BTBD9: variants seen among roughly 807,000 people sequenced by gnomAD.
The protein encoded by BTBD9 is BTB/POZ domain-containing protein 9.
In BTBD9, 49 loss-of-function variants were observed where a neutral mutation model predicts 64.3. That is an observed-to-expected ratio of 0.76 (90% CI 0.61 to 0.97). BTBD9 has a LOEUF of 0.97. BTBD9 is among the 50% of genes least tolerant of loss of function. The probability of loss-of-function intolerance (pLI) is 0.00; values close to 1 mark genes in which losing one functional copy is unlikely to be tolerated. For synonymous variants in BTBD9, 260 were observed against 274.7 expected, an observed-to-expected ratio of 0.95 and a Z score of 0.53; for missense variants, 598 against 762.1, an observed-to-expected ratio of 0.78 and a Z score of 2.53.
At chr6:38,266,215 C>A (rs1486646039) in intron 8 of BTBD9, among the ~76,000 whole-genome samples, 2 of 151,850 alleles carry the variant, frequency 1.3e-5, no homozygotes, top group Non-Finnish European at 2.9e-5. Flanking sequence ...TCTTTTTTTT[C>A]TTTTAACAAA....
intron 6 of BTBD9, among the ~76,000 whole-genome samples, chr6:38,450,191 A>G (rs1769458886): frequency 6.6e-6 from 1 of 152,254 alleles, no homozygotes; most frequent in Non-Finnish European, 1.5e-5. Context: ...GATCTCACTC[A>G]TATGTGGAAT....
In BTBD9 at chr6:38,623,017, A is replaced by G. The variant is rs1778042126; in HGVS notation, c.-28+16783T>C. On this transcript the variant is annotated intron_variant, in intron 1 of 10. Transcript: ENST00000481247. Reference sequence around the variant, plus strand: ...TCCAATGGGAAAACAGAACACAGGGAGCCACTCAGTTTGCTCCCAACACCC... The same window carrying G: ...TCCAATGGGAAAACAGAACACAGGGGGCCACTCAGTTTGCTCCCAACACCC... Among the ~76,000 whole-genome samples, 3 of 152,174 alleles carry G rather than the reference A, an allele frequency of 2.0e-5. No individual in the cohort carries two copies. The South Asian group carries it at 6.2e-4, about 32-fold the overall frequency.
At chr6:38,269,001 A>G (rs1765112921) in intron 8 of BTBD9, among the ~76,000 whole-genome samples, 1 of 152,216 alleles carries the variant, frequency 6.6e-6, no homozygotes, top group Non-Finnish European at 1.5e-5. Context: ...CTTTCATGAA[A>G]TAGTTAGTGA....
intron 8 of BTBD9, among the ~76,000 whole-genome samples, chr6:38,263,960 C>T (rs564458737): frequency 6.6e-5 from 10 of 152,030 alleles, no homozygotes; most frequent in African/African-American, 1.9e-4. Flanking sequence ...GCAATGATAC[C>T]GTGATGGCTA....
chr6:38,596,985 C>T (rs1176155051), intron 2 of BTBD9, among the ~76,000 whole-genome samples: 1 of 152,126 alleles, frequency 6.6e-6, no homozygotes, highest in Non-Finnish European at 1.5e-5. Context: ...TAGGAGAGTG[C>T]TAGAACTTTT....
intron 1 of BTBD9, among the ~76,000 whole-genome samples, chr6:38,618,623 G>A (rs999601351): frequency 5.3e-5 from 8 of 152,060 alleles, no homozygotes; most frequent in Non-Finnish European, 1.2e-4. Context: ...GTAGGGGGAG[G>A]GGAATTTGGC....
At chr6:38,566,788 C>A (rs578094599) in intron 6 of BTBD9, among the ~76,000 whole-genome samples, 6 of 152,256 alleles carry the variant, frequency 3.9e-5, no homozygotes, top group Admixed American at 3.9e-4. Flanking sequence ...GGTATACATA[C>A]ACACACACAT....
chr6:38,190,175 A>AT (rs1227996937), intron 10 of BTBD9, among the ~76,000 whole-genome samples: 2 of 151,818 alleles, frequency 1.3e-5, no homozygotes, highest in East Asian at 3.9e-4. Flanking sequence ...ATGACTTAAG[A>AT]TGATTCCTGG....
At chr6:38,461,893 T>C (rs1028468007) in intron 6 of BTBD9, among the ~76,000 whole-genome samples, 28 of 152,222 alleles carry the variant, frequency 1.8e-4, no homozygotes, top group Non-Finnish European at 3.5e-4. Context: ...TATCTTATTT[T>C]AGCCTTAATT....
At chr6:38,188,176 G>A (rs567629304) in intron 10 of BTBD9, among the ~76,000 whole-genome samples, 5 of 152,328 alleles carry the variant, frequency 3.3e-5, no homozygotes, top group South Asian at 2.1e-4. Flanking sequence ...AGCAGCTGCC[G>A]GGGGTGTTTG....
chr6:38,432,307 C>A (rs1768477477), intron 6 of BTBD9, among the ~76,000 whole-genome samples: 1 of 152,014 alleles, frequency 6.6e-6, no homozygotes, highest in Admixed American at 6.5e-5. Context: ...AGAAATCTCG[C>A]ATGGCTGACT....
rs145835193 is a variant in BTBD9 at position 38,372,620 on chromosome 6, T to C, written c.1155-27527A>G. On this transcript the variant is annotated intron_variant, in intron 6 of 10. Transcript: ENST00000481247. ...GTTTACTTTCCCTTTTTAGGGGCTATGTTCTTGTCGTTTTCAGCACTGAGA... is the reference window on the plus strand; with the variant it reads ...GTTTACTTTCCCTTTTTAGGGGCTACGTTCTTGTCGTTTTCAGCACTGAGA... 1.1e-3 allele frequency among the ~76,000 whole-genome samples: 162 copies of C among 152,334 alleles called. 3 individuals are homozygous for C. The East Asian group carries it at 0.018, about 16-fold the overall frequency.
intron 1 of BTBD9, among the ~76,000 whole-genome samples, chr6:38,608,886 T>C (rs926777373): frequency 6.6e-6 from 1 of 152,198 alleles, no homozygotes; most frequent in Non-Finnish European, 1.5e-5. Flanking sequence ...TTATGAACAT[T>C]GACTTTATTC....
chr6:38,200,242 C>A (rs148943119), intron 9 of BTBD9, among the ~76,000 whole-genome samples: 13 of 152,302 alleles, frequency 8.5e-5, no homozygotes, highest in Middle Eastern at 3.4e-3. Flanking sequence ...ACAAAATAGA[C>A]CAAAACCTGT....
At chr6:38,417,395 T>G (rs992679695) in intron 6 of BTBD9, among the ~76,000 whole-genome samples, 1 of 152,240 alleles carries the variant, frequency 6.6e-6, no homozygotes, top group Non-Finnish European at 1.5e-5. Flanking sequence ...TTAACTGTTT[T>G]TAAATCCATA....
intron 6 of BTBD9, among the ~76,000 whole-genome samples, chr6:38,562,731 T>C (rs1775312832): frequency 6.6e-6 from 1 of 152,222 alleles, no homozygotes; most frequent in Non-Finnish European, 1.5e-5. Flanking sequence ...ATCAATTCCT[T>C]ATTGATGGGC....
chr6:38,559,073 T>A (rs1276046038), intron 6 of BTBD9, among the ~76,000 whole-genome samples: 1 of 152,206 alleles, frequency 6.6e-6, no homozygotes, highest in Non-Finnish European at 1.5e-5. Flanking sequence ...CTAAGTTTAC[T>A]ATAACTGATT....
At chr6:38,202,912 G>A (rs191122497) in intron 9 of BTBD9, among the ~76,000 whole-genome samples, 62 of 152,224 alleles carry the variant, frequency 4.1e-4, no homozygotes, top group Non-Finnish European at 2.9e-5. Flanking sequence ...GAGTGATAAG[G>A]TAATCTGTTG....
chr6:38,432,384 T>TA (rs1768482378), intron 6 of BTBD9, among the ~76,000 whole-genome samples: 2 of 151,916 alleles, frequency 1.3e-5, no homozygotes, highest in African/African-American at 4.9e-5. Flanking sequence ...AATTTGGAAT[T>TA]AAGTATGATA....
Sources: allele counts gnomAD v4.1 joint callset (sites outside exome capture counted in the v4.1 genomes callset), GRCh38; gene constraint gnomAD v4.1.1; transcripts MANE v1.5; gene names NCBI Gene and HGNC (gene_info 2026-07-23, HGNC 2026-07-21).